Variants in GLG1 observed in about 807,000 individuals in gnomAD.
GLG1 encodes the protein Golgi apparatus protein 1.
In GLG1, 38 loss-of-function variants were observed where a neutral mutation model predicts 160.5. The observed-to-expected ratio is 0.24, with a 90% confidence interval of 0.18 to 0.31. The LOEUF is 0.31. Ranked by LOEUF, GLG1 falls within the 10% of genes least tolerant of loss-of-function variation. GLG1 has a pLI of 1.00. For synonymous variants in GLG1, 644 were observed against 543.4 expected, an observed-to-expected ratio of 1.19 and a Z score of -2.57; for missense variants, 1,373 against 1,505.2, an observed-to-expected ratio of 0.91 and a Z score of 1.45.
intron 1 of GLG1, among the ~76,000 whole-genome samples, chr16:74,580,941 C>T (rs530505397): frequency 2.0e-5 from 3 of 152,294 alleles, no homozygotes; most frequent in African/African-American, 7.2e-5. Context: ...CCGTTGCACT[C>T]CAGCCTGGGC....
intron 13 of GLG1, among the ~76,000 whole-genome samples, chr16:74,473,225 T>G (rs2015270275): frequency 6.6e-6 from 1 of 152,066 alleles, no homozygotes; most frequent in South Asian, 2.1e-4. Context: ...TTTTTTTTCT[T>G]TTTATTGAGA....
chr16:74,558,616 C>G (rs891478568), intron 1 of GLG1, among the ~76,000 whole-genome samples: 18 of 152,196 alleles, frequency 1.2e-4, no homozygotes, highest in Admixed American at 8.5e-4. Flanking sequence ...AACCTTAAGA[C>G]ATTTTTAGAA....
chr16:74,473,934 G>C (rs2015307705), intron 13 of GLG1, among the ~76,000 whole-genome samples: 1 of 150,446 alleles, frequency 6.6e-6, no homozygotes, highest in Non-Finnish European at 1.5e-5. Context: ...ATGTGACTGT[G>C]ATGTGAAGTA....
intron 2 of GLG1, among the ~76,000 whole-genome samples, chr16:74,521,020 G>A (rs1157022596): frequency 1.3e-5 from 2 of 152,192 alleles, no homozygotes; most frequent in Non-Finnish European, 2.9e-5. Flanking sequence ...TGAATTGAAA[G>A]TAGGGGAATG....
chr16:74,585,062 T>A (rs1051653163), intron 1 of GLG1, among the ~76,000 whole-genome samples: 8 of 151,932 alleles, frequency 5.3e-5, no homozygotes, highest in Admixed American at 3.3e-4. Context: ...TCTATTGAAA[T>A]AAAAAAAATT....
chr16:74,530,515 A>C (rs891267747), intron 2 of GLG1, among the ~76,000 whole-genome samples: 1 of 152,204 alleles, frequency 6.6e-6, no homozygotes, highest in East Asian at 1.9e-4. Context: ...TGTTTCAATA[A>C]AATTTTATGT....
chr16:74,482,916 T>C lies in GLG1; in HGVS notation c.1673+107A>G. 4.1e-6 allele frequency: 3 copies of C among 723,026 alleles called. No individual in the cohort carries two copies. In the South Asian group the frequency reaches 4.5e-5, roughly 11 times the overall value. The allele number at this position is 723,026 out of a possible 1,614,324, so 44.8% of individuals were successfully genotyped here. On this transcript the variant is annotated intron_variant, in intron 10 of 25. Coordinates refer to ENST00000422840, the MANE Select transcript of GLG1 (RefSeq NM_001145667.2). Reference sequence around the variant, plus strand: ...TGGAGTGTGTTAGCTGTCCCAGAACTGAACAAAAAGAGTTTCCTACTGATT... The same window carrying C: ...TGGAGTGTGTTAGCTGTCCCAGAACCGAACAAAAAGAGTTTCCTACTGATT...
intron 3 of GLG1, among the ~76,000 whole-genome samples, chr16:74,507,225 A>G (rs966284365): frequency 1.6e-4 from 24 of 152,214 alleles, no homozygotes; most frequent in African/African-American, 5.8e-4. Context: ...TTACAAAACT[A>G]GAACACCCCA....
At chr16:74,493,617 A>T (rs937167688) in intron 6 of GLG1, among the ~76,000 whole-genome samples, 11 of 152,252 alleles carry the variant, frequency 7.2e-5, no homozygotes, top group Non-Finnish European at 1.3e-4. Flanking sequence ...TACAAGAAAA[A>T]GGAAATGAGA....
rs1555514312 is a variant in GLG1 at position 74,540,056 on chromosome 16, T to TA, written c.439-7904_439-7903insT. ...ATATTTTATATATATATTATATATA[T>TA]TTTATATATATATATTATATATATT... On this transcript the variant is annotated intron_variant, in intron 1 of 25. Coordinates refer to ENST00000422840, the MANE Select transcript of GLG1 (RefSeq NM_001145667.2). Among the ~76,000 whole-genome samples the TA allele has an allele frequency of 3.7e-3, 7 of 1,894 alleles. 2 individuals carry two copies. Among genetic ancestry groups the TA allele is most frequent in the African/African-American group, 3.6e-3 (3 of 836 alleles). 1.2% of individuals were successfully genotyped at this position (1,894 alleles called of 152,430 possible). A position where few individuals can be genotyped will look rare whatever the true frequency, so the allele number is the denominator to read the frequency against.
intron 1 of GLG1, among the ~76,000 whole-genome samples, chr16:74,540,859 TAA>T: frequency 6.6e-6 from 1 of 152,260 alleles, no homozygotes; most frequent in South Asian, 2.1e-4. Context: ...TATCAAGAGA[TAA>T]AAGGCCTTGT....
chr16:74,502,806 G>A (rs1381964900), intron 4 of GLG1, among the ~76,000 whole-genome samples: 3 of 143,670 alleles, frequency 2.1e-5, no homozygotes, highest in Admixed American at 1.5e-4. Context: ...TCCTGACCTC[G>A]TGATCTGCCC....
At position 74,480,230 on chromosome 16, in the gene GLG1, T is replaced by C; in HGVS notation, c.1827+11A>G. ...CAAGAAGAAGAAATGAAGTCGATAT[T>C]CACTGCATACCCTCCTTCCCTGTTC... On this transcript the variant is annotated intron_variant, in intron 11 of 25. Coordinates refer to ENST00000422840, the MANE Select transcript of GLG1 (RefSeq NM_001145667.2). 6.3e-7 allele frequency: 1 copy of C among 1,591,720 alleles called. No homozygotes were observed. The highest frequency in any genetic ancestry group is 8.6e-7 in the Non-Finnish European group (1 of 1,160,526).
At chr16:74,595,366 T>G (rs759685388) in intron 1 of GLG1, among the ~76,000 whole-genome samples, 1 of 150,950 alleles carries the variant, frequency 6.6e-6, no homozygotes, top group Non-Finnish European at 1.5e-5. Flanking sequence ...TGAAACCTGG[T>G]CTCTACTAAA....
intron 3 of GLG1, among the ~76,000 whole-genome samples, chr16:74,505,675 T>C (rs1315617404): frequency 6.6e-6 from 1 of 151,800 alleles, no homozygotes; most frequent in East Asian, 1.9e-4. Flanking sequence ...GGCAACACGG[T>C]GAAAGCCTGT....
At chr16:74,565,362 T>C (rs768334670) in intron 1 of GLG1, among the ~76,000 whole-genome samples, 4 of 152,000 alleles carry the variant, frequency 2.6e-5, no homozygotes, top group African/African-American at 4.8e-5. Context: ...AACTGAGAGG[T>C]TGACCAAAGA....
At chr16:74,478,556 T>C (rs1290425955) in intron 11 of GLG1, among the ~76,000 whole-genome samples, 2 of 152,140 alleles carry the variant, frequency 1.3e-5, no homozygotes, top group Non-Finnish European at 2.9e-5. Flanking sequence ...GTTTTGAAAC[T>C]AGACAGACAT....
chr16:74,478,042 A>G (rs779568466), intron 11 of GLG1, among the ~76,000 whole-genome samples: 2 of 151,738 alleles, frequency 1.3e-5, no homozygotes, highest in Non-Finnish European at 2.9e-5. Context: ...CGAAAAGCCC[A>G]TATCTTTAGC....
At position 74,459,735 on chromosome 16, in the gene GLG1, C is replaced by G. The variant is rs1223550338; in HGVS notation, c.3091G>C (p.Glu1031Gln). The G allele has an allele frequency of 1.9e-6, 3 of 1,610,730 alleles. No individual in the cohort carries two copies. The highest frequency in any genetic ancestry group is 2.5e-6 in the Non-Finnish European group (3 of 1,177,606). ...AAAQEQTGQV[E>Q]ECLKVNLLKI... ...AGCAGGTTGACCTTGAGGCACTCCT[C>G]CACCTGACCTGTCTGCTCTTGGGCT... Residue 1031 changes from glutamate to glutamine, a missense_variant, in exon 23 of 26, where the codon GAG (glutamate) becomes CAG (glutamine). Around this residue, in one of 4 missense-constraint regions of GLG1, gnomAD observed 491 missense variants for 632.1 expected, o/e 0.78. Coordinates refer to ENST00000422840, the MANE Select transcript of GLG1 (RefSeq NM_001145667.2).
Sources: allele counts gnomAD v4.1 joint callset (sites outside exome capture counted in the v4.1 genomes callset), GRCh38; gene constraint gnomAD v4.1.1; regional missense constraint gnomAD v4.1.1; transcripts MANE v1.5; gene names NCBI Gene and HGNC (gene_info 2026-07-23, HGNC 2026-07-21).